Variants in TAFA1 observed in about 807,000 individuals in gnomAD.
TAFA1 encodes chemokine-like protein TAFA-1.
A neutral mutation model predicts 18.5 loss-of-function variants in TAFA1; 4 were observed. The ratio of observed to expected loss-of-function variants is 0.22; its 90% CI spans 0.11 to 0.49. TAFA1 has a LOEUF of 0.49. Among genes scored for constraint, TAFA1 ranks in the 20% least tolerant of loss-of-function variants. TAFA1 has a pLI of 0.98. For missense variants in TAFA1, 147 were observed against 169.0 expected, an observed-to-expected ratio of 0.87 and a Z score of 0.72; for synonymous variants, 56 against 55.2, an observed-to-expected ratio of 1.01 and a Z score of -0.06.
chr3:68,115,702 C>T (rs2065317080), intron 2 of TAFA1, among the ~76,000 whole-genome samples: 1 of 152,156 alleles, frequency 6.6e-6, no homozygotes, highest in Non-Finnish European at 1.5e-5. Flanking sequence ...GCAGAAAACA[C>T]AGCAGAATGC....
intron 2 of TAFA1, among the ~76,000 whole-genome samples, chr3:68,184,313 C>T (rs2066242806): frequency 6.6e-6 from 1 of 152,102 alleles, no homozygotes; most frequent in South Asian, 2.1e-4. Context: ...TCAAAGCATT[C>T]TAAGTCCTAC....
At chr3:68,087,142 G>T (rs937958320) in intron 2 of TAFA1, among the ~76,000 whole-genome samples, 6 of 152,144 alleles carry the variant, frequency 3.9e-5, no homozygotes, top group Non-Finnish European at 5.9e-5. Context: ...TACAGGAATT[G>T]CATTTAGAAA....
intron 2 of TAFA1, among the ~76,000 whole-genome samples, chr3:68,233,469 T>C (rs1326577578): frequency 6.6e-6 from 1 of 152,214 alleles, no homozygotes; most frequent in African/African-American, 2.4e-5. Flanking sequence ...CTGGGTTTTG[T>C]ATTCTATTTC....
chr3:68,164,920 T>C (rs1324769764), intron 2 of TAFA1, among the ~76,000 whole-genome samples: 1 of 152,066 alleles, frequency 6.6e-6, no homozygotes, highest in Non-Finnish European at 1.5e-5. Flanking sequence ...CCCTAAAATA[T>C]ATTTAAAGCC....
chr3:68,479,518 G>A (rs563067808), intron 3 of TAFA1, among the ~76,000 whole-genome samples: 1 of 151,960 alleles, frequency 6.6e-6, no homozygotes, highest in Non-Finnish European at 1.5e-5. Flanking sequence ...CATCTACCAT[G>A]ATTCAGTTGA....
In TAFA1 at chr3:68,354,101, C is replaced by A. The variant is rs116176403; in HGVS notation, c.119-63179C>A. On this transcript the variant is annotated intron_variant, in intron 2 of 4. Transcript: ENST00000478136. ...TTTTCGTTCATTTTTTAAAACAAAACAAACAACAACAAAAACTAGACTCTA... is the reference window on the plus strand; with the variant it reads ...TTTTCGTTCATTTTTTAAAACAAAAAAAACAACAACAAAAACTAGACTCTA... 9.9e-3 allele frequency among the ~76,000 whole-genome samples: 1,509 copies of A among 151,850 alleles called. 24 individuals are homozygous for A. The highest frequency in any genetic ancestry group is 0.035 in the African/African-American group (1,448 of 41,440).
chr3:68,101,304 A>G (rs908295382), intron 2 of TAFA1, among the ~76,000 whole-genome samples: 6 of 150,944 alleles, frequency 4.0e-5, no homozygotes, highest in Admixed American at 1.3e-4. Flanking sequence ...TATTTTTAAA[A>G]TTTTATTATT....
chr3:68,047,743 A>C (rs756659665), intron 2 of TAFA1, among the ~76,000 whole-genome samples: 43 of 152,292 alleles, frequency 2.8e-4, no homozygotes, highest in Admixed American at 4.6e-4. Flanking sequence ...TGCCAATATA[A>C]TCACCCAATA....
chr3:68,196,482 T>A (rs1368812205), intron 2 of TAFA1, among the ~76,000 whole-genome samples: 1 of 151,796 alleles, frequency 6.6e-6, no homozygotes, highest in Non-Finnish European at 1.5e-5. Context: ...GCACTCAGCA[T>A]TCTTTTAGTT....
At chr3:68,218,557 G>A (rs1381595232) in intron 2 of TAFA1, among the ~76,000 whole-genome samples, 2 of 151,938 alleles carry the variant, frequency 1.3e-5, no homozygotes, top group African/African-American at 4.8e-5. Context: ...TTCATACCTG[G>A]TCCTACAGGT....
intron 2 of TAFA1, among the ~76,000 whole-genome samples, chr3:68,070,312 C>T (rs560804189): frequency 2.6e-5 from 4 of 152,194 alleles, no homozygotes; most frequent in Non-Finnish European, 5.9e-5. Context: ...GGACTTGCAC[C>T]CTCTGAAGCC....
intron 2 of TAFA1, among the ~76,000 whole-genome samples, chr3:68,254,063 ATCTGTCTG>A (rs1010819914): frequency 2.0e-5 from 3 of 151,872 alleles, no homozygotes; most frequent in East Asian, 1.9e-4. Flanking sequence ...GTTTCTGTCT[ATCTGTCTG>A]TCTGTCTGTC....
chr3:68,088,939 G>A (rs186776821), intron 2 of TAFA1, among the ~76,000 whole-genome samples: 5 of 152,212 alleles, frequency 3.3e-5, no homozygotes, highest in Non-Finnish European at 5.9e-5. Flanking sequence ...TAACTAGGAT[G>A]TAGGGGGAGA....
At chr3:68,101,590 C>T (rs546461011) in intron 2 of TAFA1, among the ~76,000 whole-genome samples, 1 of 152,078 alleles carries the variant, frequency 6.6e-6, no homozygotes, top group Non-Finnish European at 1.5e-5. Flanking sequence ...AAAGGTTATT[C>T]AGTAGGAATA....
chr3:68,325,648 C>A (rs1461907263), intron 2 of TAFA1, among the ~76,000 whole-genome samples: 1 of 152,080 alleles, frequency 6.6e-6, no homozygotes, highest in African/African-American at 2.4e-5. Flanking sequence ...CAAGAGTAAA[C>A]TTAGGAACAA....
intron 2 of TAFA1, among the ~76,000 whole-genome samples, chr3:68,217,377 A>T (rs76465058): frequency 2.0e-5 from 3 of 151,980 alleles, no homozygotes; most frequent in African/African-American, 7.2e-5. Flanking sequence ...TCTATAAGTT[A>T]TCTGACCAGT....
chr3:68,012,472 A>G (rs987510554), intron 2 of TAFA1, among the ~76,000 whole-genome samples: 2 of 152,190 alleles, frequency 1.3e-5, no homozygotes, highest in African/African-American at 4.8e-5. Flanking sequence ...TACATTGCTG[A>G]GTGGAGAAAA....
At chr3:68,362,940 C>CT (rs10681791) in intron 2 of TAFA1, among the ~76,000 whole-genome samples, 7,829 of 121,580 alleles carry the variant, frequency 0.064, 296 homozygotes, top group East Asian at 0.1. Flanking sequence ...AGATTTCTTC[C>CT]TTTTTTTTTT....
At chr3:68,116,102 A>C (rs1473711661) in intron 2 of TAFA1, among the ~76,000 whole-genome samples, 1 of 152,116 alleles carries the variant, frequency 6.6e-6, no homozygotes, top group East Asian at 1.9e-4. Context: ...TAAAAATACA[A>C]AAATTAGCCT....
Sources: gnomAD v4.1 joint callset for allele counts (sites outside exome capture counted in the v4.1 genomes callset) on GRCh38, gnomAD v4.1.1 for gene constraint, MANE v1.5 for transcripts, NCBI Gene and HGNC (gene_info 2026-07-23, HGNC 2026-07-21) for gene names.